The following SAXO1 variants were observed in gnomAD, a reference collection of about 807,000 sequenced individuals.
SAXO1 encodes stabilizer of axonemal microtubules 1, also known as 4930500O09Rik.
In SAXO1, 21 loss-of-function variants were observed where a neutral mutation model predicts 17.5. The ratio of observed to expected loss-of-function variants is 1.20; its 90% CI spans 0.85 to 1.72. The LOEUF (loss-of-function observed/expected upper bound fraction) is 1.72, where lower values mean the gene tolerates loss of function less well. Among genes scored for constraint, SAXO1 ranks in the 40% most tolerant of loss-of-function variants. The pLI, the probability that SAXO1 is intolerant of heterozygous loss-of-function variation, is 0.00. For synonymous variants in SAXO1, 274 were observed against 216.5 expected (o/e 1.27, Z -2.33); for missense variants, 843 against 596.0 (o/e 1.41, Z -4.32).
At chr9:19,028,357 C>T (rs533760001) in intron 1 of SAXO1, among the ~76,000 whole-genome samples, 1 of 152,066 alleles carries the variant, frequency 6.6e-6, no homozygotes. Context: ...GCCTGGGCAA[C>T]AGAGCGAGAC....
chr9:19,030,719 A>T (rs1835725346), intron 1 of SAXO1, among the ~76,000 whole-genome samples: 1 of 150,668 alleles, frequency 6.6e-6, no homozygotes, highest in Admixed American at 6.6e-5. Context: ...ATAAAAAAAT[A>T]AGAAGAAGAA....
At chr9:19,048,921 T>A (rs2131082322) in intron 1 of SAXO1, among the ~76,000 whole-genome samples, 1 of 152,366 alleles carries the variant, frequency 6.6e-6, no homozygotes, top group South Asian at 2.1e-4. Context: ...AGGAGGGACT[T>A]GCTATTACCT....
intron 1 of SAXO1, among the ~76,000 whole-genome samples, chr9:18,965,105 A>G (rs933980972): frequency 1.4e-4 from 22 of 152,186 alleles, no homozygotes; most frequent in Non-Finnish European, 2.8e-4. Context: ...ATTTGATTGC[A>G]CTGTGGCCTG....
intron 3 of SAXO1, among the ~76,000 whole-genome samples, chr9:18,929,893 C>A (rs1245974524): frequency 2.6e-5 from 4 of 152,170 alleles, no homozygotes; most frequent in Non-Finnish European, 5.9e-5. Context: ...TAGGGAATAC[C>A]AACTACATGT....
At chr9:18,935,730 A>T (rs539780659) in intron 3 of SAXO1, among the ~76,000 whole-genome samples, 1 of 152,286 alleles carries the variant, frequency 6.6e-6, no homozygotes, top group South Asian at 2.1e-4. Flanking sequence ...TGCTTGCCAC[A>T]ACTAGCACTG....
rs188755012 is a variant in SAXO1, at chr9:19,011,355, C to T, written c.38+21516G>A. On this transcript the variant is annotated intron_variant, in intron 1 of 3. Transcript: ENST00000380534. Reference sequence around the variant, plus strand: ...CAACCCCACAGTGTCACTAAACACTCATGCCCTGCTTCATCTCTTGCACTG... The same window carrying T: ...CAACCCCACAGTGTCACTAAACACTTATGCCCTGCTTCATCTCTTGCACTG... Among the ~76,000 whole-genome samples the T allele has an allele frequency of 3.3e-5, 5 of 152,348 alleles. No individual in the cohort carries two copies. The East Asian group carries it at 9.6e-4, about 29-fold the overall frequency.
At chr9:18,980,684 G>A (rs944824176) in intron 1 of SAXO1, among the ~76,000 whole-genome samples, 3 of 147,018 alleles carry the variant, frequency 2.0e-5, no homozygotes, top group African/African-American at 7.6e-5. Context: ...TTAGTTTCCT[G>A]GCAAGTCACA....
chr9:18,939,352 C>T (rs755769249), intron 3 of SAXO1, among the ~76,000 whole-genome samples: 3 of 152,210 alleles, frequency 2.0e-5, no homozygotes, highest in Non-Finnish European at 2.9e-5. Flanking sequence ...CTGTGTGGTG[C>T]CTGCTGTGAG....
In SAXO1 at chr9:18,966,283, C is replaced by A. The variant is rs150035060; in HGVS notation, c.39-15346G>T. On this transcript the variant is annotated intron_variant, in intron 1 of 3. Transcript: ENST00000380534. ...TGTATTTCCTGAATTTGAATGTTGGCCTGTCCTTCCAGGTTGGGGAAGTTC... is the reference window on the plus strand; with the variant it reads ...TGTATTTCCTGAATTTGAATGTTGGACTGTCCTTCCAGGTTGGGGAAGTTC... 7.8e-3 allele frequency among the ~76,000 whole-genome samples: 1,182 copies of A among 152,218 alleles called. 19 individuals carry two copies. Among genetic ancestry groups the A allele is most frequent in the African/African-American group, 0.027 (1,124 of 41,534 alleles).
rs1167696850 is a variant in SAXO1 at position 18,928,786 on chromosome 9, C to T, written c.691G>A (p.Glu231Lys). 4 of 1,614,048 alleles carry T rather than the reference C, an allele frequency of 2.5e-6. No individual in the cohort carries two copies. The African/African-American group carries it at 5.3e-5, about 22-fold the overall frequency. ...VHEAEKFRPC[E>K]IPFESLTTQK... ...GTGGTAAGGCTTTCAAAGGGGATTT[C>T]ACAGGGCCTGAACTTCTCTGCTTCA... Residue 231 changes from glutamate to lysine, a missense_variant, in exon 4 of 4, where the codon GAA (glutamate) becomes AAA (lysine). Glu to Lys is a moderately conservative substitution (Grantham distance 56). Coordinates refer to ENST00000380534, the MANE Select transcript of SAXO1 (RefSeq NM_153707.4).
At chr9:18,943,355 A>G (rs73648816) in intron 2 of SAXO1, among the ~76,000 whole-genome samples, 15,428 of 152,190 alleles carry the variant, frequency 0.1, 1,249 homozygotes, top group African/African-American at 0.23. Context: ...AGCTGACTGT[A>G]CATATCGGGG....
chr9:18,932,608 T>C (rs1383104275), intron 3 of SAXO1, among the ~76,000 whole-genome samples: 1 of 152,230 alleles, frequency 6.6e-6, no homozygotes, highest in African/African-American at 2.4e-5. Context: ...TTGCATTGAA[T>C]CTACAGATCA....
In SAXO1 at chr9:19,002,695, C is replaced by G. The variant is rs550402850; in HGVS notation, c.38+30176G>C. Among the ~76,000 whole-genome samples, 13 of 152,238 alleles carry G rather than the reference C, an allele frequency of 8.5e-5. No individual in the cohort carries two copies. The South Asian group carries it at 1.0e-3, about 12-fold the overall frequency. ...AAGGCCTTCAATAAAATTCAACACC[C>G]CTTCATGCTAAAAACTCTCAATAAA... On this transcript the variant is annotated intron_variant, in intron 1 of 3. Transcript: ENST00000380534.
chr9:19,028,443 C>G (rs1007628231), intron 1 of SAXO1, among the ~76,000 whole-genome samples: 12 of 152,176 alleles, frequency 7.9e-5, no homozygotes, highest in African/African-American at 1.2e-4. Context: ...TGGAGATAAT[C>G]AGATGCAATT....
intron 1 of SAXO1, 139 bp downstream of exon 1, chr9:19,032,732 C>T (rs541113662): frequency 7.8e-6 from 7 of 896,786 alleles, no homozygotes; most frequent in African/African-American, 1.7e-5. Flanking sequence ...CTAGTTGACA[C>T]AATTGTGGCT....
intron 1 of SAXO1, among the ~76,000 whole-genome samples, chr9:19,031,245 G>A (rs1331926695): frequency 6.6e-6 from 1 of 152,206 alleles, no homozygotes. Flanking sequence ...AATGCAGGAG[G>A]ACACAGGAGG....
intron 1 of SAXO1, among the ~76,000 whole-genome samples, chr9:18,992,774 ATT>A (rs10707056): frequency 4.4e-4 from 65 of 149,340 alleles, no homozygotes; most frequent in Non-Finnish European, 5.9e-4. Flanking sequence ...CTTAAGAGCT[ATT>A]TTTTTTTTTT....
intron 1 of SAXO1, among the ~76,000 whole-genome samples, chr9:19,004,264 G>C (rs1834401322): frequency 6.6e-6 from 1 of 152,178 alleles, no homozygotes. Context: ...GGAGAAATAG[G>C]AATGCTTTTA....
At chr9:18,992,048 C>G (rs531086067) in intron 1 of SAXO1, among the ~76,000 whole-genome samples, 4 of 152,340 alleles carry the variant, frequency 2.6e-5, no homozygotes, top group Non-Finnish European at 5.9e-5. Context: ...ATTTAATCCT[C>G]AGAACCCCCC....
Sources: gnomAD v4.1 joint callset for allele counts (sites outside exome capture counted in the v4.1 genomes callset) on GRCh38, gnomAD v4.1.1 for gene constraint, MANE v1.5 for transcripts, NCBI Gene and HGNC (gene_info 2026-07-23, HGNC 2026-07-21) for gene names.